Variants in HSD17B2 observed in about 807,000 individuals in gnomAD.
HSD17B2 encodes hydroxysteroid 17-beta dehydrogenase 2.
A neutral mutation model predicts 26.9 loss-of-function variants in HSD17B2; 32 were observed. The observed-to-expected ratio is 1.19, with a 90% CI of 0.90 to 1.60. The LOEUF (loss-of-function observed/expected upper bound fraction) is 1.60. Among genes scored for constraint, HSD17B2 ranks in the 40% most tolerant of loss-of-function variants. The pLI is 0.00. For missense variants in HSD17B2, 613 were observed against 468.6 expected, an observed-to-expected ratio of 1.31 and a Z score of -2.85; for synonymous variants, 246 against 186.7, an observed-to-expected ratio of 1.32 and a Z score of -2.59.
intron 4 of HSD17B2, chr16:82,097,127 C>T (rs1350975382): frequency 1.3e-5 from 2 of 151,162 alleles, no homozygotes; most frequent in Non-Finnish European, 1.5e-5. Flanking sequence ...CTCGTGGGCT[C>T]GAGGGGTCCT....
At chr16:82,053,752 G>A (rs1914181017) in intron 1 of HSD17B2, among the ~76,000 whole-genome samples, 1 of 152,170 alleles carries the variant, frequency 6.6e-6, no homozygotes, top group Admixed American at 6.5e-5. Context: ...GACTTTGTGT[G>A]CTGCTGTCCA....
At chr16:82,059,994 C>A (rs899535895) in intron 1 of HSD17B2, among the ~76,000 whole-genome samples, 1 of 152,166 alleles carries the variant, frequency 6.6e-6, no homozygotes, top group African/African-American at 2.4e-5. Flanking sequence ...GTTAAGAATG[C>A]TGAGGGCAAA....
At chr16:82,062,387 C>A (rs1914464277) in intron 1 of HSD17B2, among the ~76,000 whole-genome samples, 1 of 152,226 alleles carries the variant, frequency 6.6e-6, no homozygotes, top group Non-Finnish European at 1.5e-5. Flanking sequence ...GCCCTCAGCA[C>A]TAGTGACAAA....
chr16:82,052,235 G>T (rs775615681), intron 1 of HSD17B2: 1 of 152,282 alleles, frequency 6.6e-6, no homozygotes, highest in African/African-American at 2.4e-5. Context: ...CCTCTCTGTT[G>T]TTCAGGTGGG....
chr16:82,061,717 A>G (rs1374670743), intron 1 of HSD17B2, among the ~76,000 whole-genome samples: 1 of 152,246 alleles, frequency 6.6e-6, no homozygotes, highest in Non-Finnish European at 1.5e-5. Context: ...GAACATGAAC[A>G]TTATGAGAGT....
chr16:82,092,010 G>T (rs1038506910), intron 4 of HSD17B2: 2 of 152,066 alleles, frequency 1.3e-5, no homozygotes, highest in African/African-American at 4.8e-5. Context: ...GCTCAAAAAT[G>T]GTCCCTAACT....
intron 3 of HSD17B2, 160 bp downstream of exon 3, chr16:82,071,287 T>A (rs1914693268): frequency 1.4e-6 from 1 of 704,142 alleles, no homozygotes; most frequent in Non-Finnish European, 2.6e-6. Flanking sequence ...CAATAAAACC[T>A]TTCTCTTCTT....
At position 82,078,736 on chromosome 16, in the gene HSD17B2, G is replaced by T. The variant is rs1904317735; in HGVS notation, c.664+7609G>T. 2.0e-5 allele frequency among the ~76,000 whole-genome samples: 3 copies of T among 152,174 alleles called. No homozygotes were observed. The South Asian group carries it at 6.2e-4, about 32-fold the overall frequency. ...ATCTGCAATAACATGGATGGAACTGGAAGTCATTATGTTAAGTGAAATAAC... is the reference window on the plus strand; with the variant it reads ...ATCTGCAATAACATGGATGGAACTGTAAGTCATTATGTTAAGTGAAATAAC... On this transcript the variant is annotated intron_variant, in intron 3 of 4. Transcript: ENST00000199936.
chr16:82,081,334 T>G (rs930585852), intron 3 of HSD17B2, among the ~76,000 whole-genome samples: 2 of 152,176 alleles, frequency 1.3e-5, no homozygotes, highest in African/African-American at 4.8e-5. Context: ...CATTCTCCTC[T>G]TCAACCTTTC....
chr16:82,073,352 G>A (rs1941018009), intron 3 of HSD17B2, among the ~76,000 whole-genome samples: 1 of 152,006 alleles, frequency 6.6e-6, no homozygotes, highest in South Asian at 2.1e-4. Flanking sequence ...AGCCTCCCTA[G>A]TAGCTGGGAC....
chr16:82,080,064 G>A (rs987938944), intron 3 of HSD17B2, among the ~76,000 whole-genome samples: 3 of 152,156 alleles, frequency 2.0e-5, no homozygotes, highest in Non-Finnish European at 4.4e-5. Flanking sequence ...AATTTTGGTG[G>A]CATAGATTTA....
At chr16:82,043,756 C>T (rs895899409) in intron 1 of HSD17B2, among the ~76,000 whole-genome samples, 1 of 145,298 alleles carries the variant, frequency 6.9e-6, no homozygotes, top group African/African-American at 2.5e-5. Context: ...CATTTCCCAA[C>T]ACCTGAACAC....
intron 3 of HSD17B2, among the ~76,000 whole-genome samples, chr16:82,072,157 G>C (rs1340406388): frequency 2.0e-5 from 3 of 152,064 alleles, no homozygotes; most frequent in Admixed American, 2.0e-4. Context: ...TAACTGCTAT[G>C]TGTCTTTGAC....
chr16:82,053,517 T>C (rs1914171465), intron 1 of HSD17B2, among the ~76,000 whole-genome samples: 3 of 152,178 alleles, frequency 2.0e-5, no homozygotes, highest in African/African-American at 7.2e-5. Context: ...AATGATACGT[T>C]TAGCAGGATT....
intron 1 of HSD17B2, among the ~76,000 whole-genome samples, chr16:82,063,724 T>C (rs1914505706): frequency 6.6e-6 from 1 of 152,088 alleles, no homozygotes; most frequent in African/African-American, 2.4e-5. Flanking sequence ...GCTGGGATGA[T>C]CAGAGTGACA....
At chr16:82,095,560 G>C (rs554253786) in intron 4 of HSD17B2, 15 of 152,406 alleles carry the variant, frequency 9.8e-5, no homozygotes, top group Admixed American at 9.2e-4. Context: ...CTTCGACCAG[G>C]CTGTACTTTG....
chr16:82,073,649 G>A (rs977487134), intron 3 of HSD17B2, among the ~76,000 whole-genome samples: 1 of 151,898 alleles, frequency 6.6e-6, no homozygotes, highest in Non-Finnish European at 1.5e-5. Context: ...TAACTAGGGA[G>A]GTGAAAGATC....
chr16:82,069,673 T>C (rs990064450), intron 2 of HSD17B2, among the ~76,000 whole-genome samples: 3 of 152,228 alleles, frequency 2.0e-5, no homozygotes, highest in African/African-American at 7.2e-5. Flanking sequence ...TTTCTCCGTA[T>C]ACCAAGAGTT....
intron 1 of HSD17B2, among the ~76,000 whole-genome samples, chr16:82,039,789 C>T (rs1279018915): frequency 6.6e-6 from 1 of 152,140 alleles, no homozygotes; most frequent in Non-Finnish European, 1.5e-5. Flanking sequence ...TCAGCATCTA[C>T]TGTGTACAGA....
Sources: allele counts gnomAD v4.1 joint callset (sites outside exome capture counted in the v4.1 genomes callset), GRCh38; gene constraint gnomAD v4.1.1; transcripts MANE v1.5; gene names NCBI Gene and HGNC (gene_info 2026-07-23, HGNC 2026-07-21).